Variants in SYT1 observed in about 807,000 individuals in gnomAD.
SYT1 encodes synaptotagmin 1, also known as synaptotagmin-1.
Under a neutral mutation model 44.8 loss-of-function variants are expected in SYT1, and 8 were observed. The observed-to-expected ratio is 0.18, with a 90% CI of 0.10 to 0.32. SYT1 has a LOEUF of 0.32. Ranked by LOEUF, SYT1 falls within the 10% of genes least tolerant of loss-of-function variation. The pLI is 1.00. For missense variants in SYT1, 286 were observed against 509.3 expected (o/e 0.56, Z 4.22); for synonymous variants, 154 against 188.8 (o/e 0.82, Z 1.51).
At position 79,450,493 on chromosome 12, in the gene SYT1, A is replaced by C. The variant is rs572312337; in HGVS notation, c.*1369A>C. On this transcript the variant is annotated 3_prime_UTR_variant, in exon 11 of 11. Transcript: ENST00000261205. ...TGCTTGATTTAGGAGGAGTTTTTAAACGTTTTCAATGTTATTATGTAGTAA... is the reference window on the plus strand; with the variant it reads ...TGCTTGATTTAGGAGGAGTTTTTAACCGTTTTCAATGTTATTATGTAGTAA... The C allele has an allele frequency of 1.3e-5, 2 of 152,638 alleles. No homozygotes were observed. Among genetic ancestry groups the C allele is most frequent in the East Asian group, 3.9e-4 (2 of 5,176 alleles). 9.5% of individuals were successfully genotyped at this position (152,638 alleles called of 1,614,324 possible).
chr12:78,924,223 C>A (rs1877172565), intron 1 of SYT1, among the ~76,000 whole-genome samples: 1 of 151,880 alleles, frequency 6.6e-6, no homozygotes, highest in African/African-American at 2.4e-5. Flanking sequence ...ATGTTAACTT[C>A]AATCACTTTA....
intron 5 of SYT1, among the ~76,000 whole-genome samples, chr12:79,287,602 T>C (rs979728435): frequency 1.3e-5 from 2 of 152,186 alleles, no homozygotes; most frequent in South Asian, 2.1e-4. Flanking sequence ...AATTTGAATG[T>C]GGTTTCCCTG....
At chr12:79,254,815 T>A (rs1877425671) in intron 4 of SYT1, among the ~76,000 whole-genome samples, 1 of 152,176 alleles carries the variant, frequency 6.6e-6, no homozygotes, top group Admixed American at 6.5e-5. Flanking sequence ...TAAATGCAGA[T>A]GTGATAATGG....
intron 3 of SYT1, among the ~76,000 whole-genome samples, chr12:79,068,367 A>G (rs1026504022): frequency 1.3e-5 from 2 of 152,160 alleles, no homozygotes; most frequent in Non-Finnish European, 2.9e-5. Flanking sequence ...TGTCTAGTCT[A>G]AATACTTGAA....
chr12:78,954,603 T>C (rs1293615719), intron 1 of SYT1, among the ~76,000 whole-genome samples: 2 of 152,050 alleles, frequency 1.3e-5, no homozygotes, highest in Non-Finnish European at 1.5e-5. Flanking sequence ...TTAAGCTTCA[T>C]CAGTTTGTTG....
chr12:78,884,726 AT>A (rs1874639593), intron 1 of SYT1, among the ~76,000 whole-genome samples: 1 of 151,528 alleles, frequency 6.6e-6, no homozygotes, highest in Non-Finnish European at 1.5e-5. Context: ...GAGTTTAAGA[AT>A]ATTAAAGCTT....
rs541281637 is a variant in SYT1, at chr12:78,994,532, G to A, written c.-84+16601G>A. Among the ~76,000 whole-genome samples, 996 of 134,010 alleles carry A rather than the reference G, an allele frequency of 7.4e-3. 3 individuals are homozygous for A. The highest frequency in any genetic ancestry group is 0.011 in the Non-Finnish European group (712 of 62,340). 87.9% of individuals were successfully genotyped at this position (134,010 alleles called of 152,430 possible). A position where few individuals can be genotyped will look rare whatever the true frequency, so the allele number is the denominator to read the frequency against. On this transcript the variant is annotated intron_variant, in intron 2 of 10. Transcript: ENST00000261205. ...GCTTGGTGAGCATCCTTTGTTCTGAGGATTTTTTTTTTTTTTTTTTTTGAG... is the reference window on the plus strand; with the variant it reads ...GCTTGGTGAGCATCCTTTGTTCTGAAGATTTTTTTTTTTTTTTTTTTTGAG...
At chr12:79,416,282 C>T (rs534102542) in intron 9 of SYT1, among the ~76,000 whole-genome samples, 1 of 152,268 alleles carries the variant, frequency 6.6e-6, no homozygotes, top group East Asian at 1.9e-4. Context: ...GATCATGAAA[C>T]AAAAGGTATG....
At chr12:79,351,001 G>A (rs940357140) in intron 8 of SYT1, among the ~76,000 whole-genome samples, 12 of 152,152 alleles carry the variant, frequency 7.9e-5, no homozygotes, top group African/African-American at 2.7e-4. Context: ...ATTCAATTTG[G>A]CATATCAATT....
At chr12:78,898,984 T>C (rs537549536) in intron 1 of SYT1, among the ~76,000 whole-genome samples, 90 of 152,200 alleles carry the variant, frequency 5.9e-4, no homozygotes, top group Non-Finnish European at 1.0e-3. Flanking sequence ...ATTTTATTCA[T>C]TCATCTCTTC....
At chr12:79,250,837 C>T (rs1171976212) in intron 4 of SYT1, among the ~76,000 whole-genome samples, 9 of 152,134 alleles carry the variant, frequency 5.9e-5, no homozygotes, top group African/African-American at 9.7e-5. Context: ...ATCAGCATTT[C>T]GTTTTTTCTT....
At chr12:78,933,102 C>T (rs574761529) in intron 1 of SYT1, among the ~76,000 whole-genome samples, 2 of 152,178 alleles carry the variant, frequency 1.3e-5, no homozygotes, top group African/African-American at 4.8e-5. Context: ...ACTTACTCTT[C>T]TCGACTTTGA....
At position 79,026,667 on chromosome 12, in the gene SYT1, T is replaced by TTATATATATATATATA. The variant is rs3064320; in HGVS notation, c.-83-20610_-83-20595dup. Among the ~76,000 whole-genome samples, 76 of 102,250 alleles carry TTATATATATATATATA rather than the reference T, an allele frequency of 7.4e-4. 2 individuals are homozygous for TTATATATATATATATA. The highest frequency in any genetic ancestry group is 1.1e-3 in the Non-Finnish European group (55 of 51,216). 67.1% of individuals were successfully genotyped at this position (102,250 alleles called of 152,430 possible). A position where few individuals can be genotyped will look rare whatever the true frequency, so the allele number is the denominator to read the frequency against. On this transcript the variant is annotated intron_variant, in intron 2 of 10. Transcript: ENST00000261205. ...TTGTGTGTGTATATACATATATATTTTATATATATATATATATATATATAT... is the reference window on the plus strand; with the variant it reads ...TTGTGTGTGTATATACATATATATTTTATATATATATATATATATATATATATATATATATATATAT...
intron 3 of SYT1, among the ~76,000 whole-genome samples, chr12:79,051,092 G>A (rs1205781344): frequency 5.3e-5 from 8 of 150,544 alleles, no homozygotes; most frequent in Admixed American, 6.6e-5. Context: ...TTTTCTATCT[G>A]CCATATTAAC....
intron 3 of SYT1, among the ~76,000 whole-genome samples, chr12:79,064,974 A>AAG (rs982248062): frequency 1.3e-5 from 2 of 148,156 alleles, no homozygotes; most frequent in Non-Finnish European, 3.0e-5. Context: ...GAAAGAAAGA[A>AAG]AGAAAGAAAG....
chr12:79,178,965 TAG>T (rs1872103795), intron 3 of SYT1, among the ~76,000 whole-genome samples: 1 of 86,774 alleles, frequency 1.2e-5, no homozygotes, highest in East Asian at 2.6e-4. Context: ...GATATAGATA[TAG>T]ATATATAGAT....
intron 2 of SYT1, among the ~76,000 whole-genome samples, chr12:79,011,092 G>A (rs1378793737): frequency 6.6e-6 from 1 of 152,106 alleles, no homozygotes; most frequent in African/African-American, 2.4e-5. Context: ...TGGCTAAAAG[G>A]TTGCATTAGA....
intron 9 of SYT1, among the ~76,000 whole-genome samples, chr12:79,366,661 C>T (rs1364986391): frequency 6.6e-6 from 1 of 152,146 alleles, no homozygotes; most frequent in South Asian, 2.1e-4. Flanking sequence ...GGATCGGAAG[C>T]CTTTAACCTT....
chr12:79,014,381 T>C (rs1007775296), intron 2 of SYT1, among the ~76,000 whole-genome samples: 2 of 152,198 alleles, frequency 1.3e-5, no homozygotes, highest in African/African-American at 4.8e-5. Context: ...ATATCATGCC[T>C]ATTTTAGTGC....
Sources: allele counts gnomAD v4.1 joint callset (sites outside exome capture counted in the v4.1 genomes callset), GRCh38; gene constraint gnomAD v4.1.1; transcripts MANE v1.5; gene names NCBI Gene and HGNC (gene_info 2026-07-23, HGNC 2026-07-21).